The following CEP112 variants were observed in gnomAD, a reference collection of about 807,000 sequenced individuals.
CEP112 encodes the protein centrosomal protein 112.
A neutral mutation model predicts 153.0 loss-of-function variants in CEP112; 127 were observed. The observed-to-expected ratio is 0.83, with a 90% confidence interval of 0.72 to 0.96. The LOEUF (loss-of-function observed/expected upper bound fraction) is 0.96, where lower values mean the gene tolerates loss of function less well. CEP112 is among the 40% of genes least tolerant of loss of function. The probability of loss-of-function intolerance (pLI) is 0.00; values close to 1 mark genes in which losing one functional copy is unlikely to be tolerated. For missense variants in CEP112, 1,089 were observed against 1,101.2 expected (o/e 0.99, Z 0.16); for synonymous variants, 358 against 374.4 (o/e 0.96, Z 0.51).
chr17:66,078,082 C>T (rs1452488469), intron 8 of CEP112, among the ~76,000 whole-genome samples: 1 of 152,138 alleles, frequency 6.6e-6, no homozygotes, highest in Admixed American at 6.5e-5. Flanking sequence ...CATTCTCCTA[C>T]ATGTGGCTAG....
At chr17:65,664,415 C>T (rs1398425323) in intron 24 of CEP112, among the ~76,000 whole-genome samples, 1 of 152,080 alleles carries the variant, frequency 6.6e-6, no homozygotes, top group African/African-American at 2.4e-5. Flanking sequence ...GCAGAGAGAT[C>T]CAATAAGTGA....
intron 4 of CEP112, among the ~76,000 whole-genome samples, chr17:66,152,415 C>T (rs114369298): frequency 7.9e-4 from 121 of 152,222 alleles, no homozygotes; most frequent in African/African-American, 2.6e-3. Flanking sequence ...TAAGTGCTGT[C>T]GCTCTTAGGT....
chr17:65,861,360 G>A (rs560323924), intron 20 of CEP112, among the ~76,000 whole-genome samples: 1 of 152,278 alleles, frequency 6.6e-6, no homozygotes, highest in East Asian at 1.9e-4. Flanking sequence ...TCAAAGTAAG[G>A]AAAGGCATGA....
At chr17:65,772,387 C>T (rs887125061) in intron 21 of CEP112, among the ~76,000 whole-genome samples, 1 of 151,922 alleles carries the variant, frequency 6.6e-6, no homozygotes, top group African/African-American at 2.4e-5. Flanking sequence ...ACACAAATTA[C>T]CAATATCAGA....
intron 4 of CEP112, among the ~76,000 whole-genome samples, chr17:66,152,283 C>G (rs954813373): frequency 1.6e-4 from 25 of 152,070 alleles, no homozygotes; most frequent in Admixed American, 1.0e-3. Context: ...AAGGGGGATC[C>G]TTTTTACATA....
chr17:66,120,318 G>A (rs553353483), intron 6 of CEP112, among the ~76,000 whole-genome samples: 337 of 151,830 alleles, frequency 2.2e-3, no homozygotes, highest in African/African-American at 7.1e-3. Flanking sequence ...CTCCTGCTTC[G>A]GCCTCCCATG....
intron 20 of CEP112, among the ~76,000 whole-genome samples, chr17:65,881,664 T>C (rs897928987): frequency 6.6e-6 from 1 of 152,162 alleles, no homozygotes; most frequent in African/African-American, 2.4e-5. Context: ...CAGTGCCCCA[T>C]GACACAAATA....
intron 24 of CEP112, among the ~76,000 whole-genome samples, chr17:65,647,894 C>A (rs1445312530): frequency 1.3e-5 from 2 of 152,098 alleles, no homozygotes; most frequent in Non-Finnish European, 2.9e-5. Flanking sequence ...AACTGCTTGA[C>A]TATGAAACAA....
intron 6 of CEP112, among the ~76,000 whole-genome samples, chr17:66,117,134 T>C (rs75014514): frequency 0.02 from 3,068 of 152,210 alleles, 118 homozygotes; most frequent in African/African-American, 0.07. Flanking sequence ...GACCTCATGA[T>C]CCACTCGCCT....
At chr17:66,190,827 T>A (rs1295019822) in intron 1 of CEP112, among the ~76,000 whole-genome samples, 1 of 151,696 alleles carries the variant, frequency 6.6e-6, no homozygotes, top group Non-Finnish European at 1.5e-5. Context: ...AAAAAAGGAG[T>A]CACAACTGCC....
At chr17:65,652,973 T>C (rs991277191) in intron 24 of CEP112, among the ~76,000 whole-genome samples, 2 of 152,212 alleles carry the variant, frequency 1.3e-5, no homozygotes, top group Non-Finnish European at 2.9e-5. Context: ...TTTACAGCAA[T>C]GTGTATGTGG....
chr17:66,163,524 ATACT>A (rs2071802296), intron 4 of CEP112, among the ~76,000 whole-genome samples: 1 of 152,218 alleles, frequency 6.6e-6, no homozygotes, highest in East Asian at 1.9e-4. Context: ...AATCCACAAC[ATACT>A]TATTTTAATT....
intron 23 of CEP112, among the ~76,000 whole-genome samples, chr17:65,702,316 T>C (rs73336863): frequency 0.024 from 3,702 of 152,292 alleles, 160 homozygotes; most frequent in African/African-American, 0.084. Flanking sequence ...ATCCTTATCC[T>C]GTCAAGGTTA....
intron 20 of CEP112, among the ~76,000 whole-genome samples, chr17:65,889,045 G>T (rs2059379503): frequency 1.3e-5 from 2 of 152,048 alleles, no homozygotes; most frequent in African/African-American, 4.8e-5. Context: ...TACCTAATTG[G>T]CAAAGTTCTC....
chr17:66,172,341 C>T (rs769338961), intron 4 of CEP112, among the ~76,000 whole-genome samples: 1 of 152,108 alleles, frequency 6.6e-6, no homozygotes, highest in Non-Finnish European at 1.5e-5. Flanking sequence ...GAGTAAATGG[C>T]GGGGTCGCCT....
chr17:66,158,441 T>C (rs1436263536), intron 4 of CEP112, among the ~76,000 whole-genome samples: 1 of 151,700 alleles, frequency 6.6e-6, no homozygotes, highest in East Asian at 1.9e-4. Context: ...TGAAAACCCA[T>C]CTCTACTAAA....
At chr17:66,018,041 T>TA (rs1266050647) in intron 16 of CEP112, among the ~76,000 whole-genome samples, 5 of 151,892 alleles carry the variant, frequency 3.3e-5, no homozygotes, top group Non-Finnish European at 7.4e-5. Flanking sequence ...AAAAGAAAAT[T>TA]AAAGAACAAA....
At chr17:65,963,584 C>T (rs894133660) in intron 17 of CEP112, among the ~76,000 whole-genome samples, 1 of 131,634 alleles carries the variant, frequency 7.6e-6, no homozygotes, top group Non-Finnish European at 1.6e-5. Flanking sequence ...CACCTAATTT[C>T]TACTTCAGCA....
In CEP112 at chr17:65,784,632, C is replaced by T. The variant is rs571998816; in HGVS notation, c.2395-33908G>A. Among the ~76,000 whole-genome samples, 10 of 152,212 alleles carry T rather than the reference C, an allele frequency of 6.6e-5. No individual in the cohort carries two copies. In the South Asian group the frequency reaches 2.1e-3, roughly 32 times the overall value. On this transcript the variant is annotated intron_variant, in intron 21 of 26. Transcript: ENST00000535342. ...AGTAGCTGGGACTATGGGCGCATGC[C>T]ACCATGCCTGGCAAATTTTTGTATT...
Sources: gnomAD v4.1 joint callset for allele counts (sites outside exome capture counted in the v4.1 genomes callset) on GRCh38, gnomAD v4.1.1 for gene constraint, MANE v1.5 for transcripts, NCBI Gene and HGNC (gene_info 2026-07-23, HGNC 2026-07-21) for gene names.